Variants in KLHL2 observed in about 807,000 individuals in gnomAD.
The protein encoded by KLHL2 is kelch like family member 2.
KLHL2 carries 15 observed loss-of-function variants against 75.8 expected under a neutral mutation model. The ratio of observed to expected loss-of-function variants is 0.20; its 90% CI spans 0.13 to 0.30. The LOEUF is 0.30. Among genes scored for constraint, KLHL2 ranks in the 10% least tolerant of loss-of-function variants. The pLI is 1.00. For synonymous variants in KLHL2, 214 were observed against 251.9 expected (o/e 0.85, Z 1.42); for missense variants, 381 against 741.0 (o/e 0.51, Z 5.64).
intron 6 of KLHL2, among the ~76,000 whole-genome samples, chr4:165,297,059 A>G (rs1050240716): frequency 2.6e-5 from 4 of 152,150 alleles, no homozygotes; most frequent in African/African-American, 7.2e-5. Context: ...CATATTGTCA[A>G]ACATTTCCTG....
At chr4:165,295,978 C>A (rs1297420929) in intron 6 of KLHL2, among the ~76,000 whole-genome samples, 1 of 152,202 alleles carries the variant, frequency 6.6e-6, no homozygotes, top group African/African-American at 2.4e-5. Flanking sequence ...GAGGGCTGTT[C>A]TGGTTTTCTG....
intron 4 of KLHL2, among the ~76,000 whole-genome samples, chr4:165,239,739 G>A (rs576751066): frequency 8.5e-4 from 129 of 152,194 alleles, no homozygotes; most frequent in African/African-American, 1.7e-3. Context: ...TTTAGAAAAC[G>A]GACCTTCTCT....
Position 165,299,625 on chromosome 4 carries a change from C to T in KLHL2, c.890C>T (p.Thr297Ile). Residue 297 changes from threonine (T) to isoleucine (I), a missense_variant, in exon 8 of 15, where the codon ACC becomes ATC. Coordinates refer to ENST00000226725, the MANE Select transcript of KLHL2 (RefSeq NM_007246.4). ...CGTATATTAATGAAGAGTGTCCGGA[C>T]CCGGCTGAGGACACCCATGAACCTT... Reference protein sequence around the residue: ...EQRILMKSVRTRLRTPMNLPK... With the variant: ...EQRILMKSVRIRLRTPMNLPK... 1.9e-6 allele frequency: 3 copies of T among 1,612,860 alleles called. No individual in the cohort carries two copies. The highest frequency in any genetic ancestry group is 2.5e-6 in the Non-Finnish European group (3 of 1,179,626).
chr4:165,255,344 T>A (rs1413564060), intron 4 of KLHL2, among the ~76,000 whole-genome samples: 2 of 152,206 alleles, frequency 1.3e-5, no homozygotes, highest in African/African-American at 2.4e-5. Flanking sequence ...GAAGATCTTG[T>A]GTTATTAGCC....
At chr4:165,225,630 A>G (rs1738378601) in intron 2 of KLHL2, among the ~76,000 whole-genome samples, 1 of 152,166 alleles carries the variant, frequency 6.6e-6, no homozygotes, top group Non-Finnish European at 1.5e-5. Context: ...TAGCTGTCTC[A>G]CTCAAAACAT....
chr4:165,303,494 G>GC (rs35038980), intron 8 of KLHL2, among the ~76,000 whole-genome samples: 12,599 of 113,368 alleles, frequency 0.11, 1,930 homozygotes, highest in African/African-American at 0.14. Context: ...TTACAACCTT[G>GC]CCCCCCCCGC....
chr4:165,316,569 A>G (rs1746604201), intron 13 of KLHL2, among the ~76,000 whole-genome samples: 1 of 152,196 alleles, frequency 6.6e-6, no homozygotes, highest in Non-Finnish European at 1.5e-5. Context: ...AAGAAATTAA[A>G]TGTACTTTTA....
At chr4:165,289,000 A>G (rs1744304536) in intron 5 of KLHL2, among the ~76,000 whole-genome samples, 1 of 152,166 alleles carries the variant, frequency 6.6e-6, no homozygotes, top group Non-Finnish European at 1.5e-5. Flanking sequence ...AACATATAAA[A>G]TAACAGGTGA....
intron 9 of KLHL2, among the ~76,000 whole-genome samples, chr4:165,306,510 A>G (rs1745737824): frequency 6.6e-6 from 1 of 152,242 alleles, no homozygotes; most frequent in Non-Finnish European, 1.5e-5. Context: ...AGGATAAACT[A>G]GACTTACTGA....
chr4:165,295,911 A>G (rs1338964208), intron 6 of KLHL2, among the ~76,000 whole-genome samples: 1 of 152,216 alleles, frequency 6.6e-6, no homozygotes, highest in East Asian at 1.9e-4. Context: ...TGAGCCTTAA[A>G]AGGGTTTTAA....
Position 165,311,504 on chromosome 4 carries a change from G to A in KLHL2, c.1278G>A (p.Glu426=), listed in dbSNP as rs759594002. 15 of 1,613,992 alleles carry A rather than the reference G, an allele frequency of 9.3e-6. No homozygotes were observed. In the South Asian group the frequency reaches 1.6e-4, roughly 18 times the overall value. The change falls in exon 11 of 15, where the codon GAG becomes GAA. Residue 426 remains glutamate (E), a synonymous_variant. Transcript: ENST00000226725. The part of the protein sequence containing the change: ...SVEAYNIKSN[E]WFHVAPMNTR... ...AAGCATACAACATAAAGTCTAATGA[G>A]TGGTTTCATGTAGCTCCCATGAATA...
intron 1 of KLHL2, chr4:165,219,568 G>T (rs530363624): frequency 5.5e-5 from 25 of 458,282 alleles, no homozygotes; most frequent in Non-Finnish European, 7.1e-5. Flanking sequence ...CTCTGTCTTG[G>T]TTTGTTAATA....
At chr4:165,219,146 A>G (rs1458528263) in intron 1 of KLHL2, among the ~76,000 whole-genome samples, 2 of 152,226 alleles carry the variant, frequency 1.3e-5, no homozygotes, top group African/African-American at 4.8e-5. Context: ...CAATGCTAGT[A>G]TAGCCTTGTG....
intron 5 of KLHL2, among the ~76,000 whole-genome samples, chr4:165,276,064 G>T (rs1284375969): frequency 6.6e-6 from 1 of 152,130 alleles, no homozygotes; most frequent in East Asian, 1.9e-4. Context: ...GGAGGCAGAG[G>T]TTGCAATGAG....
intron 3 of KLHL2, among the ~76,000 whole-genome samples, chr4:165,230,875 A>ATT (rs1738830002): frequency 6.6e-6 from 1 of 152,250 alleles, no homozygotes; most frequent in Non-Finnish European, 1.5e-5. Flanking sequence ...GTTTATGAAT[A>ATT]TGTGAGCTTT....
At chr4:165,265,361 G>C (rs967851108) in intron 5 of KLHL2, among the ~76,000 whole-genome samples, 1 of 152,012 alleles carries the variant, frequency 6.6e-6, no homozygotes, top group Non-Finnish European at 1.5e-5. Context: ...CTTTGGTCTT[G>C]TGGAAGTTTT....
intron 1 of KLHL2, chr4:165,210,184 A>T (rs1011667217): frequency 6.4e-7 from 1 of 1,551,424 alleles, no homozygotes; most frequent in Non-Finnish European, 8.7e-7. Context: ...TCTTTGTGTA[A>T]GTGTCTGTTT....
chr4:165,320,955 A>G (rs1056106341), intron 14 of KLHL2, among the ~76,000 whole-genome samples: 1 of 152,198 alleles, frequency 6.6e-6, no homozygotes, highest in Non-Finnish European at 1.5e-5. Context: ...CTGCCAGACA[A>G]TGAAGAAGAT....
intron 4 of KLHL2, among the ~76,000 whole-genome samples, chr4:165,259,004 T>C (rs1050873449): frequency 3.3e-5 from 5 of 152,240 alleles, no homozygotes; most frequent in African/African-American, 1.2e-4. Context: ...CAATTTTTGC[T>C]TAAATAAGTT....
Sources: gnomAD v4.1 joint callset for allele counts (sites outside exome capture counted in the v4.1 genomes callset) on GRCh38, gnomAD v4.1.1 for gene constraint, MANE v1.5 for transcripts, NCBI Gene and HGNC (gene_info 2026-07-23, HGNC 2026-07-21) for gene names.